ZBTB20: variants seen among roughly 807,000 people sequenced by gnomAD.
The protein encoded by ZBTB20 is zinc finger and BTB domain-containing protein 20.
In ZBTB20, 9 loss-of-function variants were observed where a neutral mutation model predicts 56.9. The observed-to-expected ratio is 0.16, with a 90% confidence interval of 0.10 to 0.28. The LOEUF is 0.28. ZBTB20 is among the 10% of genes least tolerant of loss of function. ZBTB20 has a pLI of 1.00. For synonymous variants in ZBTB20, 417 were observed against 420.7 expected (o/e 0.99, Z 0.11); for missense variants, 655 against 1,003.0 (o/e 0.65, Z 4.69).
intron 6 of ZBTB20, among the ~76,000 whole-genome samples, chr3:114,631,961 C>T (rs1251926384): frequency 3.3e-5 from 5 of 152,164 alleles, no homozygotes; most frequent in Admixed American, 2.0e-4. Context: ...AAACCACAAA[C>T]ACCTGACATT....
chr3:114,890,201 C>G (rs576957346), intron 4 of ZBTB20, among the ~76,000 whole-genome samples: 31 of 152,218 alleles, frequency 2.0e-4, no homozygotes, highest in African/African-American at 7.0e-4. Flanking sequence ...AGAAATTCCT[C>G]CAAGCCAGTG....
chr3:114,404,341 C>T lies in ZBTB20; in HGVS notation c.-254-15236G>A, dbSNP rs1482000852. Among the ~76,000 whole-genome samples, 4 of 152,160 alleles carry T rather than the reference C, an allele frequency of 2.6e-5. No homozygotes were observed. The South Asian group carries it at 8.3e-4, about 32-fold the overall frequency. ...GGTTATTTCTATATTTATGTCTTGGCTATTTTTTCTCTTTCAACTTGTTTA... is the reference window on the plus strand; with the variant it reads ...GGTTATTTCTATATTTATGTCTTGGTTATTTTTTCTCTTTCAACTTGTTTA... On this transcript the variant is annotated intron_variant, in intron 7 of 11. Coordinates refer to ENST00000675478, the MANE Select transcript of ZBTB20 (RefSeq NM_001348800.3).
chr3:115,095,888 G>T (rs1036656083), intron 1 of ZBTB20, among the ~76,000 whole-genome samples: 2 of 152,142 alleles, frequency 1.3e-5, no homozygotes, highest in African/African-American at 4.8e-5. Flanking sequence ...GAATAAAATT[G>T]ATCTTGCTAG....
At chr3:114,892,354 G>A (rs377706161) in intron 4 of ZBTB20, among the ~76,000 whole-genome samples, 2 of 152,178 alleles carry the variant, frequency 1.3e-5, no homozygotes, top group Admixed American at 1.3e-4. Flanking sequence ...TCATTTAAAT[G>A]ATTCTGCAAA....
intron 5 of ZBTB20, among the ~76,000 whole-genome samples, chr3:114,735,592 G>T (rs1441124058): frequency 6.6e-6 from 1 of 152,010 alleles, no homozygotes; most frequent in Non-Finnish European, 1.5e-5. Flanking sequence ...TCCAGTACAT[G>T]AAATTTATCA....
chr3:114,898,028 T>G (rs1229488124), intron 4 of ZBTB20, among the ~76,000 whole-genome samples: 1 of 152,132 alleles, frequency 6.6e-6, no homozygotes, highest in Non-Finnish European at 1.5e-5. Flanking sequence ...TAGTGAGTCA[T>G]AGAGACCATA....
intron 6 of ZBTB20, among the ~76,000 whole-genome samples, chr3:114,545,162 A>G (rs1577434679): frequency 6.6e-6 from 1 of 152,326 alleles, no homozygotes; most frequent in South Asian, 2.1e-4. Flanking sequence ...TCTAGTCAAA[A>G]AGGAATATGA....
intron 6 of ZBTB20, among the ~76,000 whole-genome samples, chr3:114,530,962 A>T (rs1422319600): frequency 1.3e-5 from 2 of 151,872 alleles, no homozygotes; most frequent in African/African-American, 2.4e-5. Context: ...TTCTGCTCTG[A>T]GTTTTTCTTT....
At chr3:114,725,085 A>G (rs2065173426) in intron 5 of ZBTB20, among the ~76,000 whole-genome samples, 1 of 152,180 alleles carries the variant, frequency 6.6e-6, no homozygotes, top group African/African-American at 2.4e-5. Flanking sequence ...GTTATAAAGG[A>G]ATATAAATTA....
Position 114,314,884 on chromosome 3 carries a change from A to C in ZBTB20, c.*24121T>G, listed in dbSNP as rs1398172172. ...TAAATAACAAATACAAGTCACAGGT[A>C]AATATACGTGAGAAAAATACGAGGC... On this transcript the variant is annotated 3_prime_UTR_variant, in exon 12 of 12. Coordinates refer to ENST00000675478, the MANE Select transcript of ZBTB20 (RefSeq NM_001348800.3). 1 of 152,142 alleles carries C rather than the reference A, an allele frequency of 6.6e-6. No homozygotes were observed. The highest frequency in any genetic ancestry group is 2.4e-5 in the African/African-American group (1 of 41,428). The allele number at this position is 152,142 out of a possible 1,614,324, so 9.4% of individuals were successfully genotyped here.
intron 4 of ZBTB20, among the ~76,000 whole-genome samples, chr3:114,866,435 T>G (rs1206262054): frequency 6.6e-6 from 1 of 152,166 alleles, no homozygotes; most frequent in Non-Finnish European, 1.5e-5. Context: ...TGGGGTTGTG[T>G]TTTGGTCAGG....
intron 1 of ZBTB20, among the ~76,000 whole-genome samples, chr3:115,114,016 A>C (rs571163151): frequency 6.6e-6 from 1 of 152,192 alleles, no homozygotes; most frequent in South Asian, 2.1e-4. Context: ...TACATACATT[A>C]CTACAATACA....
chr3:114,817,939 G>A lies in ZBTB20; in HGVS notation c.-416-16765C>T, dbSNP rs367932832. On this transcript the variant is annotated intron_variant, in intron 4 of 11. Coordinates refer to ENST00000675478, the MANE Select transcript of ZBTB20 (RefSeq NM_001348800.3). ...TTAATACCAAAAAAACCCTTCAAGTGAAAATAAATCTATGTAAATACATGC... is the reference window on the plus strand; with the variant it reads ...TTAATACCAAAAAAACCCTTCAAGTAAAAATAAATCTATGTAAATACATGC... 2.7e-3 allele frequency among the ~76,000 whole-genome samples: 409 copies of A among 152,202 alleles called. 1 individual carries two copies. The highest frequency in any genetic ancestry group is 9.3e-3 in the African/African-American group (386 of 41,538).
intron 10 of ZBTB20, among the ~76,000 whole-genome samples, chr3:114,355,841 A>AAC (rs1009232151): frequency 7.3e-5 from 11 of 151,102 alleles, no homozygotes; most frequent in Non-Finnish European, 1.3e-4. Context: ...AGAAAAAAAA[A>AAC]ACACACACAC....
chr3:114,616,516 A>G (rs541526794), intron 6 of ZBTB20, among the ~76,000 whole-genome samples: 1 of 152,272 alleles, frequency 6.6e-6, no homozygotes, highest in Non-Finnish European at 1.5e-5. Context: ...TAGCACAATG[A>G]CTGGCACATA....
intron 2 of ZBTB20, among the ~76,000 whole-genome samples, chr3:115,048,150 G>A (rs988241230): frequency 9.2e-5 from 14 of 152,084 alleles, no homozygotes; most frequent in Non-Finnish European, 1.9e-4. Context: ...GCGTGAACCC[G>A]GGAGGCGGAG....
chr3:114,750,933 T>C (rs534433962), intron 5 of ZBTB20, among the ~76,000 whole-genome samples: 12 of 152,334 alleles, frequency 7.9e-5, no homozygotes, highest in African/African-American at 2.6e-4. Flanking sequence ...TTCAGTAAGA[T>C]ATCCTTAGGT....
At chr3:115,101,300 C>A (rs1227301020) in intron 1 of ZBTB20, among the ~76,000 whole-genome samples, 3 of 152,036 alleles carry the variant, frequency 2.0e-5, no homozygotes, top group Non-Finnish European at 4.4e-5. Context: ...AATAAACTTG[C>A]CTTAAAAGAG....
At chr3:114,963,770 T>TAAGA in intron 3 of ZBTB20, among the ~76,000 whole-genome samples, 1 of 152,080 alleles carries the variant, frequency 6.6e-6, no homozygotes, top group East Asian at 1.9e-4. Context: ...AAATGTCTTT[T>TAAGA]GTCTTAAAAT....
Sources: gnomAD v4.1 joint callset for allele counts (sites outside exome capture counted in the v4.1 genomes callset) on GRCh38, gnomAD v4.1.1 for gene constraint, MANE v1.5 for transcripts, NCBI Gene and HGNC (gene_info 2026-07-23, HGNC 2026-07-21) for gene names.